CEP128: variants seen among roughly 807,000 people sequenced by gnomAD.
CEP128 encodes the protein centrosomal protein 128, also known as centrosomal protein 128kDa.
A neutral mutation model predicts 156.7 loss-of-function variants in CEP128; 132 were observed. That is an observed-to-expected ratio of 0.84 (90% CI 0.73 to 0.97). The LOEUF (loss-of-function observed/expected upper bound fraction) is 0.97. Ranked by LOEUF, CEP128 falls within the 50% of genes least tolerant of loss-of-function variation. CEP128 has a pLI of 0.00. For synonymous variants in CEP128, 469 were observed against 448.9 expected, an observed-to-expected ratio of 1.04 and a Z score of -0.57; for missense variants, 1,252 against 1,281.9, an observed-to-expected ratio of 0.98 and a Z score of 0.36.
intron 8 of CEP128, among the ~76,000 whole-genome samples, chr14:80,872,050 A>G (rs1207260589): frequency 6.6e-6 from 1 of 152,166 alleles, no homozygotes; most frequent in African/African-American, 2.4e-5. Context: ...GAATTCTTAT[A>G]AACTCTATTA....
intron 12 of CEP128, among the ~76,000 whole-genome samples, chr14:80,832,094 C>T (rs954883292): frequency 6.6e-6 from 1 of 152,134 alleles, no homozygotes; most frequent in African/African-American, 2.4e-5. Context: ...GAGAGTTCCC[C>T]TACACAAGCT....
intron 21 of CEP128, among the ~76,000 whole-genome samples, chr14:80,545,282 G>A (rs1889933752): frequency 6.6e-6 from 1 of 152,196 alleles, no homozygotes; most frequent in Non-Finnish European, 1.5e-5. Flanking sequence ...AGAAATGAAT[G>A]AAAGGCAATG....
intron 2 of CEP128, among the ~76,000 whole-genome samples, chr14:80,931,716 G>A (rs535024776): frequency 2.0e-5 from 3 of 152,332 alleles, no homozygotes; most frequent in South Asian, 4.2e-4. Context: ...AACGACAACT[G>A]TGTTCAAGTC....
chr14:80,583,461 G>T (rs561508474), intron 19 of CEP128, among the ~76,000 whole-genome samples: 3 of 152,254 alleles, frequency 2.0e-5, no homozygotes, highest in Admixed American at 1.3e-4. Flanking sequence ...CATGGCCCAG[G>T]CTAGCAAGTC....
intron 23 of CEP128, among the ~76,000 whole-genome samples, chr14:80,515,920 G>A (rs561175614): frequency 6.6e-6 from 1 of 152,286 alleles, no homozygotes; most frequent in South Asian, 2.1e-4. Flanking sequence ...CCAAGCTGGA[G>A]TGCAATGGTG....
At chr14:80,955,910 C>T in intron 2 of CEP128, 2 of 1,608,328 alleles carry the variant, frequency 1.2e-6, no homozygotes, top group African/African-American at 2.7e-5. Context: ...GCAGAGGTGG[C>T]CCGAAGTGCA....
chr14:80,857,649 C>T (rs573285376), intron 9 of CEP128, among the ~76,000 whole-genome samples: 1 of 150,654 alleles, frequency 6.6e-6, no homozygotes, highest in Admixed American at 6.6e-5. Flanking sequence ...GCTGAGGTGG[C>T]AGAATCTCTT....
chr14:80,567,606 G>A lies in CEP128; in HGVS notation c.2857-8304C>T, dbSNP rs192092847. ...CAAGATTCTTCCTTTAAAGCACAAC[G>A]TAATGTGGTACATAGGTGTGTGCTA... On this transcript the variant is annotated intron_variant, in intron 20 of 24. Coordinates refer to ENST00000555265, the MANE Select transcript of CEP128 (RefSeq NM_152446.5). Among the ~76,000 whole-genome samples, 30 of 152,150 alleles carry A rather than the reference G, an allele frequency of 2.0e-4. No individual in the cohort carries two copies. In the East Asian group the frequency reaches 5.2e-3, roughly 26 times the overall value.
At chr14:80,863,974 A>C (rs1227825597) in intron 8 of CEP128, among the ~76,000 whole-genome samples, 1 of 152,202 alleles carries the variant, frequency 6.6e-6, no homozygotes, top group Non-Finnish European at 1.5e-5. Flanking sequence ...TTTTAACTGC[A>C]AAGGTCTACT....
intron 2 of CEP128, among the ~76,000 whole-genome samples, chr14:80,934,419 G>C (rs1351029665): frequency 6.6e-6 from 1 of 152,160 alleles, no homozygotes; most frequent in East Asian, 1.9e-4. Context: ...GGAGCACATA[G>C]CTGGAAATCA....
intron 9 of CEP128, among the ~76,000 whole-genome samples, chr14:80,857,739 A>T (rs1887263638): frequency 7.2e-6 from 1 of 138,592 alleles, no homozygotes; most frequent in African/African-American, 3.3e-5. Context: ...CATCTCAAAA[A>T]AAAACAACAA....
At chr14:80,810,267 G>T (rs1326801361) in intron 13 of CEP128, among the ~76,000 whole-genome samples, 1 of 135,926 alleles carries the variant, frequency 7.4e-6, no homozygotes, top group African/African-American at 2.7e-5. Context: ...AGCTTGCAGC[G>T]AGCCGAGATC....
chr14:80,558,675 G>A (rs552845316), intron 21 of CEP128, among the ~76,000 whole-genome samples: 6 of 152,172 alleles, frequency 3.9e-5, no homozygotes, highest in South Asian at 2.1e-4. Context: ...CACCTGCCTC[G>A]GCCTCCCAGA....
intron 15 of CEP128, among the ~76,000 whole-genome samples, chr14:80,781,382 G>T (rs536872630): frequency 1.5e-4 from 22 of 151,554 alleles, no homozygotes; most frequent in African/African-American, 4.6e-4. Context: ...GCTTGAACCC[G>T]GGAGGCGGAA....
chr14:80,859,486 A>G (rs1887404286), intron 9 of CEP128, among the ~76,000 whole-genome samples: 1 of 151,836 alleles, frequency 6.6e-6, no homozygotes, highest in African/African-American at 2.4e-5. Context: ...AGCATGGCAC[A>G]TGTATACATA....
At chr14:80,830,540 T>C (rs1279948323) in intron 13 of CEP128, 1 of 228,464 alleles carries the variant, frequency 4.4e-6, no homozygotes, top group Non-Finnish European at 8.5e-6. Flanking sequence ...TGAGGTCTTT[T>C]CCTTTGATTT....
chr14:80,750,780 A>C (rs1899350923), intron 18 of CEP128, among the ~76,000 whole-genome samples: 1 of 152,184 alleles, frequency 6.6e-6, no homozygotes, highest in South Asian at 2.1e-4. Flanking sequence ...ACAACAACAA[A>C]AAATCCCTCA....
chr14:80,886,000 C>G (rs1224739171), intron 8 of CEP128, among the ~76,000 whole-genome samples: 1 of 151,702 alleles, frequency 6.6e-6, no homozygotes, highest in Non-Finnish European at 1.5e-5. Flanking sequence ...TATCAATAGC[C>G]AAATCAATCA....
intron 19 of CEP128, among the ~76,000 whole-genome samples, chr14:80,675,962 CACAA>C (rs1484391712): frequency 6.6e-6 from 1 of 152,106 alleles, no homozygotes; most frequent in Non-Finnish European, 1.5e-5. Flanking sequence ...ACTAAAACTT[CACAA>C]ACAGCCATGA....
Sources: allele counts gnomAD v4.1 joint callset (sites outside exome capture counted in the v4.1 genomes callset), GRCh38; gene constraint gnomAD v4.1.1; transcripts MANE v1.5; gene names NCBI Gene and HGNC (gene_info 2026-07-23, HGNC 2026-07-21).